Variants in AGMO observed in about 807,000 individuals in gnomAD.
The protein encoded by AGMO is glyceryl-ether monooxygenase.
Under a neutral mutation model 60.2 loss-of-function variants are expected in AGMO, and 75 were observed. That is an observed-to-expected ratio of 1.25 (90% confidence interval 1.03 to 1.51). The LOEUF (loss-of-function observed/expected upper bound fraction) is 1.51, where lower values mean the gene tolerates loss of function less well. AGMO is among the 40% of genes most tolerant of loss of function. AGMO has a pLI of 0.00. For synonymous variants in AGMO, 261 were observed against 177.1 expected, an observed-to-expected ratio of 1.47 and a Z score of -3.76; for missense variants, 763 against 525.5, an observed-to-expected ratio of 1.45 and a Z score of -4.42.
At chr7:15,392,055 ATATTTTT>A (rs1562482153) in intron 6 of AGMO, among the ~76,000 whole-genome samples, 2 of 151,904 alleles carry the variant, frequency 1.3e-5, no homozygotes, top group South Asian at 2.1e-4. Flanking sequence ...TCGACTTCCT[ATATTTTT>A]TATTTTTTAA....
intron 12 of AGMO, among the ~76,000 whole-genome samples, chr7:15,361,726 C>T (rs1180012891): frequency 6.6e-6 from 1 of 151,858 alleles, no homozygotes; most frequent in Non-Finnish European, 1.5e-5. Context: ...TTCTCCGCAT[C>T]GAACAGTTTA....
intron 12 of AGMO, among the ~76,000 whole-genome samples, chr7:15,324,146 G>C (rs898212181): frequency 6.6e-6 from 1 of 152,132 alleles, no homozygotes; most frequent in Non-Finnish European, 1.5e-5. Flanking sequence ...TATTACTCCA[G>C]CGCAGCAACC....
chr7:15,479,332 T>C (rs572678132), intron 3 of AGMO, among the ~76,000 whole-genome samples: 1 of 152,062 alleles, frequency 6.6e-6, no homozygotes. Context: ...ACAGGTGATA[T>C]CAACATCATT....
chr7:15,373,069 G>C (rs1040709848), intron 10 of AGMO, among the ~76,000 whole-genome samples: 35 of 152,134 alleles, frequency 2.3e-4, no homozygotes, highest in African/African-American at 8.4e-4. Flanking sequence ...TTCGAGACCA[G>C]CCTGGCCAAC....
At chr7:15,471,459 C>T (rs193205029) in intron 3 of AGMO, among the ~76,000 whole-genome samples, 1 of 152,018 alleles carries the variant, frequency 6.6e-6, no homozygotes, top group East Asian at 1.9e-4. Context: ...ATCTTTCTTT[C>T]TACTTTAATT....
At chr7:15,153,119 G>T in the AGMO span, among the ~76,000 whole-genome samples, 2 of 151,618 alleles carry the variant, frequency 1.3e-5, no homozygotes, top group African/African-American at 2.4e-5. Flanking sequence ...ATGTTTGTTG[G>T]CCCCTTGTAT....
chr7:15,288,561 T>C (rs1039745746), intron 12 of AGMO, among the ~76,000 whole-genome samples: 2 of 152,080 alleles, frequency 1.3e-5, no homozygotes, highest in African/African-American at 4.8e-5. Context: ...AATCAGTCTA[T>C]GTACATATTT....
At chr7:15,521,812 A>G (rs1783996634) in intron 3 of AGMO, among the ~76,000 whole-genome samples, 1 of 152,174 alleles carries the variant, frequency 6.6e-6, no homozygotes, top group South Asian at 2.1e-4. Flanking sequence ...CTCTCTCATC[A>G]CCCCTATTCA....
Position 15,229,860 on chromosome 7 carries a change from A to C in AGMO, c.1264-28501T>G, listed in dbSNP as rs2079186238. Among the ~76,000 whole-genome samples the C allele has an allele frequency of 3.3e-5, 5 of 151,050 alleles. 1 individual carries two copies. The South Asian group carries it at 1.0e-3, about 31-fold the overall frequency. ...TAAGATATTTGATACTGTAGAATTC[A>C]AAATGTACTAGATGTTATTCTGTAA... On this transcript the variant is annotated intron_variant, in intron 12 of 12. Transcript: ENST00000342526.
In AGMO at chr7:15,251,543, GA is replaced by G. The variant is rs911494218; in HGVS notation, c.1264-50185del. Among the ~76,000 whole-genome samples the G allele has an allele frequency of 3.0e-4, 45 of 152,292 alleles. 1 individual carries two copies. Among genetic ancestry groups the G allele is most frequent in the African/African-American group, 1.1e-3 (44 of 41,556 alleles). ...AACTGTCAGAAGTCTCTGTCCTTGTGAAGTTAATGTTCTAAGAAAGCAAGAT... is the reference window on the plus strand; with the variant it reads ...AACTGTCAGAAGTCTCTGTCCTTGTGAGTTAATGTTCTAAGAAAGCAAGAT... On this transcript the variant is annotated intron_variant, in intron 12 of 12. Transcript: ENST00000342526.
chr7:15,316,044 G>C (rs1353228022), intron 12 of AGMO, among the ~76,000 whole-genome samples: 1 of 152,054 alleles, frequency 6.6e-6, no homozygotes, highest in Non-Finnish European at 1.5e-5. Context: ...AGCAGGCACT[G>C]GTTTCCAACG....
At chr7:15,136,609 T>C in the AGMO span, among the ~76,000 whole-genome samples, 1 of 152,168 alleles carries the variant, frequency 6.6e-6, no homozygotes, top group Non-Finnish European at 1.5e-5. Context: ...CTGGAGCACT[T>C]GAAAATTGAA....
At chr7:15,424,283 T>A (rs1781000410) in intron 4 of AGMO, among the ~76,000 whole-genome samples, 4 of 152,026 alleles carry the variant, frequency 2.6e-5, no homozygotes, top group Admixed American at 2.0e-4. Flanking sequence ...ATATCCCCAA[T>A]CTCTGCCACC....
rs1374439868 is a variant in AGMO, at chr7:15,353,881, TTAA to T, written c.1263+11630_1263+11632del. 3.3e-5 allele frequency among the ~76,000 whole-genome samples: 5 copies of T among 152,160 alleles called. No individual in the cohort carries two copies. The East Asian group carries it at 9.7e-4, about 29-fold the overall frequency. On this transcript the variant is annotated intron_variant, in intron 12 of 12. Coordinates refer to ENST00000342526, the MANE Select transcript of AGMO (RefSeq NM_001004320.2). Reference sequence around the variant, plus strand: ...GCTATATTTGTGTCTTTTAATTGCCTTAATAAAGATGATGCATAGAAAACTATC... The same window carrying T: ...GCTATATTTGTGTCTTTTAATTGCCTTAAAGATGATGCATAGAAAACTATC...
intron 12 of AGMO, among the ~76,000 whole-genome samples, chr7:15,208,975 G>T (rs765001382): frequency 3.3e-5 from 5 of 152,048 alleles, no homozygotes; most frequent in Non-Finnish European, 7.4e-5. Context: ...TTTTATTACT[G>T]ACCACTAAAA....
Position 15,216,833 on chromosome 7 carries a change from A to AGTGTGTGTGTGTGTGT in AGMO, c.1264-15490_1264-15475dup, listed in dbSNP as rs1181410197. Among the ~76,000 whole-genome samples, 1,005 of 147,086 alleles carry AGTGTGTGTGTGTGTGT rather than the reference A, an allele frequency of 6.8e-3. 11 individuals carry two copies. The highest frequency in any genetic ancestry group is 0.024 in the African/African-American group (961 of 40,108). Reference sequence around the variant, plus strand: ...GTGCAAGAAACAAAGTGAAAGAAAAAGTGTGTGTGTGTGTGTGTGTGTGTG... The same window carrying AGTGTGTGTGTGTGTGT: ...GTGCAAGAAACAAAGTGAAAGAAAAAGTGTGTGTGTGTGTGTGTGTGTGTGTGTGTGTGTGTGTGTG... On this transcript the variant is annotated intron_variant, in intron 12 of 12. Transcript: ENST00000342526.
chr7:15,212,247 TACACACACACACACACACAC>T (rs57236152), intron 12 of AGMO, among the ~76,000 whole-genome samples: 12,322 of 146,368 alleles, frequency 0.084, 608 homozygotes, highest in South Asian at 0.2. Flanking sequence ...AGGTGTGGAG[TACACACACACACACACACAC>T]ACACACACAC....
intron 10 of AGMO, among the ~76,000 whole-genome samples, chr7:15,381,670 G>A (rs772171174): frequency 6.6e-6 from 1 of 152,036 alleles, no homozygotes; most frequent in Non-Finnish European, 1.5e-5. Flanking sequence ...CCCATTACTA[G>A]GTATACATAC....
chr7:15,288,861 A>T (rs1327902757), intron 12 of AGMO, among the ~76,000 whole-genome samples: 2 of 147,292 alleles, frequency 1.4e-5, no homozygotes, highest in Non-Finnish European at 3.0e-5. Context: ...TAAAAAAAAA[A>T]AAAATATATA....
Sources: gnomAD v4.1 joint callset for allele counts (sites outside exome capture counted in the v4.1 genomes callset) on GRCh38, gnomAD v4.1.1 for gene constraint, MANE v1.5 for transcripts, NCBI Gene and HGNC (gene_info 2026-07-23, HGNC 2026-07-21) for gene names.